CDH19: variants seen among roughly 807,000 people sequenced by gnomAD.
The protein encoded by CDH19 is cadherin-19.
A neutral mutation model predicts 64.2 loss-of-function variants in CDH19; 67 were observed. That is an observed-to-expected ratio of 1.04 (90% confidence interval 0.86 to 1.28). The LOEUF (loss-of-function observed/expected upper bound fraction) is 1.28, where lower values mean the gene tolerates loss of function less well. Ranked by LOEUF, CDH19 falls within the 50% of genes most tolerant of loss-of-function variation. The pLI is 0.00. For missense variants in CDH19, 1,030 were observed against 929.0 expected, an observed-to-expected ratio of 1.11 and a Z score of -1.41; for synonymous variants, 346 against 319.3, an observed-to-expected ratio of 1.08 and a Z score of -0.89.
At chr18:66,574,134 C>T (rs1016591774) in intron 1 of CDH19, among the ~76,000 whole-genome samples, 6 of 151,488 alleles carry the variant, frequency 4.0e-5, no homozygotes, top group Non-Finnish European at 7.4e-5. Flanking sequence ...TTTTTCTTTC[C>T]GTTTATATGC....
At chr18:66,582,203 A>C (rs912530382) in intron 1 of CDH19, among the ~76,000 whole-genome samples, 1 of 152,108 alleles carries the variant, frequency 6.6e-6, no homozygotes, top group East Asian at 1.9e-4. Context: ...TTAGTATATA[A>C]TTTTTCCCCT....
intron 9 of CDH19, among the ~76,000 whole-genome samples, chr18:66,519,806 T>C (rs1985901333): frequency 6.6e-6 from 1 of 152,112 alleles, no homozygotes; most frequent in African/African-American, 2.4e-5. Context: ...TGCTCATTTT[T>C]CTCAAAGGGT....
At chr18:66,510,733 T>C (rs1985442178) in intron 10 of CDH19, among the ~76,000 whole-genome samples, 1 of 151,356 alleles carries the variant, frequency 6.6e-6, no homozygotes. Flanking sequence ...GGTTTTTGTC[T>C]GAAACATATT....
chr18:66,595,954 T>C (rs1290672073), intron 1 of CDH19, among the ~76,000 whole-genome samples: 2 of 152,032 alleles, frequency 1.3e-5, no homozygotes, highest in Non-Finnish European at 2.9e-5. Context: ...ACATATCAAA[T>C]TCAATCCATC....
intron 1 of CDH19, among the ~76,000 whole-genome samples, chr18:66,599,815 A>T (rs1430779710): frequency 6.6e-6 from 1 of 152,068 alleles, no homozygotes; most frequent in Non-Finnish European, 1.5e-5. Flanking sequence ...AAATTCAAGA[A>T]TATCACCTTA....
At chr18:66,582,615 T>A (rs2144606355) in intron 1 of CDH19, among the ~76,000 whole-genome samples, 1 of 125,404 alleles carries the variant, frequency 8.0e-6, no homozygotes, top group East Asian at 2.3e-4. Context: ...TCATTAAGCA[T>A]ATAATTTGCA....
intron 6 of CDH19, 74 bp from the exon 7 acceptor site, chr18:66,544,298 C>A: frequency 7.1e-7 from 1 of 1,415,326 alleles, no homozygotes. Context: ...AAAGGTTTTA[C>A]CTGTTAAATT....
intron 5 of CDH19, among the ~76,000 whole-genome samples, chr18:66,548,712 G>A (rs1369434373): frequency 6.6e-6 from 1 of 152,056 alleles, no homozygotes; most frequent in Non-Finnish European, 1.5e-5. Flanking sequence ...TAACTCAAAC[G>A]GAGTAAGTTC....
intron 9 of CDH19, among the ~76,000 whole-genome samples, chr18:66,526,780 A>G (rs1419866654): frequency 6.6e-6 from 1 of 151,964 alleles, no homozygotes; most frequent in African/African-American, 2.4e-5. Context: ...GTGTATTGAA[A>G]GTTTGTGTGA....
chr18:66,532,816 G>C (rs1028751718), intron 8 of CDH19: 3 of 419,226 alleles, frequency 7.2e-6, no homozygotes, highest in Non-Finnish European at 9.5e-6. Context: ...TTGTCCTTTG[G>C]ATAAAACCAC....
At chr18:66,536,576 T>C (rs552638441) in intron 7 of CDH19, among the ~76,000 whole-genome samples, 105 of 151,934 alleles carry the variant, frequency 6.9e-4, no homozygotes, top group African/African-American at 2.5e-3. Context: ...TTAATTCACA[T>C]CTGTTAGAAT....
In CDH19 at chr18:66,552,827, C is replaced by T. The variant is rs546505786; in HGVS notation, c.611-1569G>A. On this transcript the variant is annotated intron_variant, in intron 4 of 11. Transcript: ENST00000262150. ...TGGGGGTGGAAAGAAAACATGGTCA[C>T]GAAGGCCTGGTATGACCCAGCATGG... Among the ~76,000 whole-genome samples the T allele has an allele frequency of 1.2e-4, 16 of 133,946 alleles. 1 individual carries two copies. The South Asian group carries it at 2.6e-3, about 22-fold the overall frequency. 87.9% of individuals were successfully genotyped at this position (133,946 alleles called of 152,430 possible).
At chr18:66,602,299 T>A (rs1989055899) in intron 1 of CDH19, among the ~76,000 whole-genome samples, 1 of 151,874 alleles carries the variant, frequency 6.6e-6, no homozygotes, top group Non-Finnish European at 1.5e-5. Context: ...GTGGCAAAAA[T>A]GATCAGTTGA....
chr18:66,555,116 T>C (rs1987470153), intron 3 of CDH19, among the ~76,000 whole-genome samples: 1 of 151,864 alleles, frequency 6.6e-6, no homozygotes, highest in Admixed American at 6.6e-5. Flanking sequence ...ATAAGCATTC[T>C]CATTAAAATT....
chr18:66,598,298 T>A (rs1988955283), intron 1 of CDH19, among the ~76,000 whole-genome samples: 1 of 152,116 alleles, frequency 6.6e-6, no homozygotes, highest in South Asian at 2.1e-4. Context: ...GTGGATTATA[T>A]CACTACCATT....
At position 66,530,338 on chromosome 18, in the gene CDH19, T is replaced by A. The variant is rs541786590; in HGVS notation, c.1337-372A>T. 3.5e-4 allele frequency among the ~76,000 whole-genome samples: 54 copies of A among 152,200 alleles called. 1 individual carries two copies. The East Asian group carries it at 3.7e-3, about 10-fold the overall frequency. On this transcript the variant is annotated intron_variant, in intron 8 of 11. Coordinates refer to ENST00000262150, the MANE Select transcript of CDH19 (RefSeq NM_021153.4). ...TAATTTTGATCAATATATGGATTAT[T>A]ATCCCCCCAATTTTACGGATAAAAA...
chr18:66,556,019 A>G (rs567031659), intron 3 of CDH19, among the ~76,000 whole-genome samples: 84 of 151,776 alleles, frequency 5.5e-4, no homozygotes, highest in Non-Finnish European at 9.9e-4. Context: ...CTAGTACTAT[A>G]CAAATGAGAA....
intron 5 of CDH19, among the ~76,000 whole-genome samples, chr18:66,549,876 C>T (rs890374327): frequency 2.6e-5 from 4 of 151,988 alleles, no homozygotes; most frequent in African/African-American, 9.7e-5. Flanking sequence ...ATGATGCCAA[C>T]TTCCTGTGCT....
At chr18:66,551,940 C>A (rs1004265543) in intron 4 of CDH19, among the ~76,000 whole-genome samples, 1 of 151,778 alleles carries the variant, frequency 6.6e-6, no homozygotes, top group African/African-American at 2.4e-5. Flanking sequence ...AACACATAAA[C>A]AGTCACAAAA....
Sources: gnomAD v4.1 joint callset for allele counts (sites outside exome capture counted in the v4.1 genomes callset) on GRCh38, gnomAD v4.1.1 for gene constraint, MANE v1.5 for transcripts, NCBI Gene and HGNC (gene_info 2026-07-23, HGNC 2026-07-21) for gene names.